The following TMEM116 variants were observed in gnomAD, a reference collection of about 807,000 sequenced individuals.
The protein encoded by TMEM116 is transmembrane protein 116.
TMEM116 carries 38 observed loss-of-function variants against 44.3 expected under a neutral mutation model. That is an observed-to-expected ratio of 0.86 (90% confidence interval 0.66 to 1.12). The LOEUF is 1.12. Ranked by LOEUF, TMEM116 falls within the 50% of genes most tolerant of loss-of-function variation. TMEM116 has a pLI of 0.00. For missense variants in TMEM116, 354 were observed against 401.7 expected (o/e 0.88, Z 1.01); for synonymous variants, 132 against 144.8 (o/e 0.91, Z 0.64).
intron 5 of TMEM116, among the ~76,000 whole-genome samples, chr12:111,939,915 TG>T (rs2072555202): frequency 7.3e-6 from 1 of 136,570 alleles, no homozygotes; most frequent in Admixed American, 8.9e-5. Context: ...TGTGTGTGTG[TG>T]TGTGTGTGTG....
intron 4 of TMEM116, among the ~76,000 whole-genome samples, chr12:111,950,560 T>C (rs1275747218): frequency 6.6e-6 from 1 of 151,526 alleles, no homozygotes. Flanking sequence ...TCGACGAAGC[T>C]GACAAAAACA....
intron 4 of TMEM116, among the ~76,000 whole-genome samples, chr12:111,952,533 GGT>G (rs2073809046): frequency 6.6e-6 from 1 of 152,142 alleles, no homozygotes; most frequent in Admixed American, 6.6e-5. Flanking sequence ...ATTGTTCCTG[GGT>G]GTGTCTGTGA....
At chr12:111,945,411 A>ACCAGGATG (rs995132488) in intron 4 of TMEM116, among the ~76,000 whole-genome samples, 1 of 151,578 alleles carries the variant, frequency 6.6e-6, no homozygotes, top group African/African-American at 2.4e-5. Flanking sequence ...AGTAGAGGGA[A>ACCAGGATG]CCAGGATGTC....
intron 4 of TMEM116, among the ~76,000 whole-genome samples, chr12:111,960,131 G>A (rs112292790): frequency 2.6e-5 from 4 of 152,078 alleles, no homozygotes; most frequent in South Asian, 2.1e-4. Flanking sequence ...GCAAAAGAAC[G>A]GAAATCGTAA....
At chr12:111,950,988 G>C (rs574912335) in intron 4 of TMEM116, among the ~76,000 whole-genome samples, 2 of 151,918 alleles carry the variant, frequency 1.3e-5, no homozygotes, top group African/African-American at 4.8e-5. Context: ...CAACTTATAA[G>C]AAAAAAGCCT....
intron 4 of TMEM116, among the ~76,000 whole-genome samples, chr12:111,978,315 C>G (rs1374268099): frequency 6.6e-6 from 1 of 151,764 alleles, no homozygotes; most frequent in East Asian, 1.9e-4. Context: ...GCAGGAGAAT[C>G]GCTTGAACCT....
chr12:111,959,981 A>G (rs1049059570), intron 4 of TMEM116, among the ~76,000 whole-genome samples: 7 of 152,214 alleles, frequency 4.6e-5, no homozygotes, highest in Non-Finnish European at 2.9e-5. Context: ...ACTTGAACTC[A>G]GCTCTAGACC....
chr12:112,003,983 A>G, intron 2 of TMEM116, 120 bp from the exon 3 acceptor site: 1 of 1,344,454 alleles, frequency 7.4e-7, no homozygotes, highest in Non-Finnish European at 9.5e-7. Context: ...AATAAACTGC[A>G]TTAAAAAAAT....
At chr12:111,991,311 A>G (rs1209509484) in intron 4 of TMEM116, among the ~76,000 whole-genome samples, 1 of 151,130 alleles carries the variant, frequency 6.6e-6, no homozygotes, top group Non-Finnish European at 1.5e-5. Context: ...TCATGAGGTC[A>G]GGAGATCGAG....
intron 4 of TMEM116, among the ~76,000 whole-genome samples, chr12:111,984,228 C>G (rs1033078967): frequency 6.6e-6 from 1 of 151,962 alleles, no homozygotes; most frequent in Admixed American, 6.6e-5. Flanking sequence ...CACTGGAGTA[C>G]TATTCAGCCA....
intron 7 of TMEM116, 83 bp downstream of exon 7, chr12:111,937,077 G>T: frequency 7.6e-7 from 1 of 1,321,902 alleles, no homozygotes; most frequent in Admixed American, 1.8e-5. Flanking sequence ...TCAGAATTAT[G>T]TGGAAAGTCT....
chr12:111,958,938 A>G (rs1167293607), intron 4 of TMEM116, among the ~76,000 whole-genome samples: 4 of 152,242 alleles, frequency 2.6e-5, no homozygotes, highest in Non-Finnish European at 5.9e-5. Context: ...GATATTATCC[A>G]GGAGAACTTC....
At chr12:112,006,396 A>T (rs1170917546) in intron 1 of TMEM116, among the ~76,000 whole-genome samples, 2 of 152,198 alleles carry the variant, frequency 1.3e-5, no homozygotes, top group Non-Finnish European at 2.9e-5. Flanking sequence ...GATAGAAAGG[A>T]GGTCTCCCTA....
intron 4 of TMEM116, among the ~76,000 whole-genome samples, chr12:111,948,205 C>G (rs954969207): frequency 2.0e-5 from 3 of 152,130 alleles, no homozygotes; most frequent in Non-Finnish European, 4.4e-5. Flanking sequence ...TATATTCCTC[C>G]CTGCTCAGCC....
intron 4 of TMEM116, among the ~76,000 whole-genome samples, chr12:111,959,203 TAAAGA>T (rs1306336609): frequency 6.6e-6 from 1 of 152,174 alleles, no homozygotes; most frequent in Non-Finnish European, 1.5e-5. Flanking sequence ...TCAACATTCT[TAAAGA>T]AAAGAATTTT....
intron 4 of TMEM116, among the ~76,000 whole-genome samples, chr12:111,959,138 A>G (rs1160161163): frequency 1.3e-5 from 2 of 152,244 alleles, no homozygotes; most frequent in East Asian, 3.8e-4. Flanking sequence ...CATCAGACTA[A>G]CAGTAGATCT....
chr12:111,940,480 T>TACACAC (rs145433427), intron 5 of TMEM116, among the ~76,000 whole-genome samples: 113 of 128,926 alleles, frequency 8.8e-4, no homozygotes, highest in East Asian at 5.4e-3. Context: ...TATATATACA[T>TACACAC]ACACACACAC....
chr12:111,955,578 T>C (rs1376962267), intron 4 of TMEM116, among the ~76,000 whole-genome samples: 4 of 152,198 alleles, frequency 2.6e-5, no homozygotes, highest in Non-Finnish European at 5.9e-5. Context: ...CCAAATGTTA[T>C]CCTGGCATTG....
At chr12:111,978,395 T>A (rs1269326846) in intron 4 of TMEM116, among the ~76,000 whole-genome samples, 3 of 144,454 alleles carry the variant, frequency 2.1e-5, no homozygotes, top group Non-Finnish European at 3.0e-5. Context: ...AGACTTCATT[T>A]CAAAAAAAAG....
Sources: gnomAD v4.1 joint callset for allele counts (sites outside exome capture counted in the v4.1 genomes callset) on GRCh38, gnomAD v4.1.1 for gene constraint, MANE v1.5 for transcripts, NCBI Gene and HGNC (gene_info 2026-07-23, HGNC 2026-07-21) for gene names.